NELL1: variants seen among roughly 807,000 people sequenced by gnomAD.
The protein encoded by NELL1 is neural EGFL like 1.
Under a neutral mutation model 107.4 loss-of-function variants are expected in NELL1, and 76 were observed. The observed-to-expected ratio is 0.71, with a 90% confidence interval of 0.59 to 0.86. The LOEUF is 0.86. Among genes scored for constraint, NELL1 ranks in the 40% least tolerant of loss-of-function variants. The pLI is 0.00. For synonymous variants in NELL1, 353 were observed against 341.2 expected, an observed-to-expected ratio of 1.03 and a Z score of -0.38; for missense variants, 1,024 against 1,005.5, an observed-to-expected ratio of 1.02 and a Z score of -0.25.
intron 3 of NELL1, among the ~76,000 whole-genome samples, chr11:20,830,221 A>G (rs11025774): frequency 0.84 from 125,937 of 150,792 alleles, 52,864 homozygotes; most frequent in East Asian, 0.94. Flanking sequence ...GTAGTGAGCC[A>G]AGACCCAGAC....
intron 11 of NELL1, among the ~76,000 whole-genome samples, chr11:20,950,615 C>A (rs79221907): frequency 1.3e-5 from 2 of 152,176 alleles, no homozygotes; most frequent in Admixed American, 1.3e-4. Context: ...GCCTCCTCCC[C>A]TTCTCCCCTT....
At chr11:21,054,159 CTG>C (rs949250691) in intron 12 of NELL1, among the ~76,000 whole-genome samples, 21 of 151,866 alleles carry the variant, frequency 1.4e-4, no homozygotes, top group Non-Finnish European at 1.5e-5. Flanking sequence ...CAATTTCTGC[CTG>C]TGTGTTTCCC....
chr11:21,546,835 A>C (rs1202203445), intron 16 of NELL1, among the ~76,000 whole-genome samples: 1 of 152,076 alleles, frequency 6.6e-6, no homozygotes, highest in Non-Finnish European at 1.5e-5. Flanking sequence ...GAGATTACTC[A>C]AGCTGCTGTG....
intron 3 of NELL1, among the ~76,000 whole-genome samples, chr11:20,828,333 G>C (rs1050690107): frequency 3.3e-5 from 5 of 151,906 alleles, no homozygotes; most frequent in South Asian, 4.1e-4. Context: ...TGTTAATCTT[G>C]CATGTTCTAC....
intron 5 of NELL1, among the ~76,000 whole-genome samples, chr11:20,914,380 C>T (rs545280939): frequency 6.6e-6 from 1 of 152,108 alleles, no homozygotes; most frequent in Non-Finnish European, 1.5e-5. Context: ...GCTTCCAGGT[C>T]ATAGGTAGAT....
At chr11:21,255,643 T>G (rs10766779) in intron 14 of NELL1, among the ~76,000 whole-genome samples, 78,082 of 151,882 alleles carry the variant, frequency 0.51, 20,268 homozygotes, top group South Asian at 0.72. Context: ...CCTTTCCATT[T>G]CCTAACACAA....
At chr11:21,267,902 A>G (rs1325498405) in intron 14 of NELL1, among the ~76,000 whole-genome samples, 1 of 152,150 alleles carries the variant, frequency 6.6e-6, no homozygotes, top group Admixed American at 6.6e-5. Context: ...TTTCATTTGC[A>G]TGAAATGATT....
At chr11:21,343,843 T>A (rs151042078) in intron 14 of NELL1, among the ~76,000 whole-genome samples, 81 of 152,276 alleles carry the variant, frequency 5.3e-4, no homozygotes, top group African/African-American at 1.9e-3. Flanking sequence ...CTTTCTTAGA[T>A]TCTGTAGCAC....
intron 2 of NELL1, among the ~76,000 whole-genome samples, chr11:20,714,427 C>T (rs775912772): frequency 3.3e-5 from 5 of 151,602 alleles, no homozygotes; most frequent in Non-Finnish European, 7.4e-5. Context: ...AGGCTGGTCT[C>T]AAACTCCTGA....
chr11:21,107,519 T>C (rs1854997972), intron 12 of NELL1, among the ~76,000 whole-genome samples: 1 of 152,186 alleles, frequency 6.6e-6, no homozygotes, highest in Admixed American at 6.6e-5. Flanking sequence ...TGTGTGGATA[T>C]CTGCTTGTTC....
intron 13 of NELL1, among the ~76,000 whole-genome samples, chr11:21,202,296 A>G (rs866551804): frequency 9.2e-5 from 14 of 152,250 alleles, no homozygotes; most frequent in African/African-American, 3.1e-4. Flanking sequence ...TACTGCTTCA[A>G]TTTCAGAACT....
At chr11:20,992,780 T>A (rs908608911) in intron 12 of NELL1, among the ~76,000 whole-genome samples, 3 of 146,582 alleles carry the variant, frequency 2.0e-5, no homozygotes, top group Non-Finnish European at 4.5e-5. Flanking sequence ...AATGGTGCGA[T>A]CTTGGCTCAC....
chr11:21,327,066 A>T (rs1176391358), intron 14 of NELL1, among the ~76,000 whole-genome samples: 1 of 151,434 alleles, frequency 6.6e-6, no homozygotes, highest in East Asian at 1.9e-4. Context: ...CATAATCCTG[A>T]CATGTTGTGG....
intron 13 of NELL1, among the ~76,000 whole-genome samples, chr11:21,219,130 G>T (rs572147505): frequency 8.6e-5 from 13 of 151,916 alleles, no homozygotes; most frequent in Non-Finnish European, 1.8e-4. Context: ...CTCTCCGTCC[G>T]CACTGGCATC....
At chr11:20,987,705 G>A (rs886490636) in intron 12 of NELL1, among the ~76,000 whole-genome samples, 2 of 152,144 alleles carry the variant, frequency 1.3e-5, no homozygotes, top group African/African-American at 2.4e-5. Flanking sequence ...TGAGATTTGG[G>A]TGGGGACATA....
intron 10 of NELL1, 144 bp from the exon 11 acceptor site, chr11:20,947,192 C>T (rs1850979811): frequency 1.7e-6 from 1 of 597,490 alleles, no homozygotes; most frequent in African/African-American, 1.9e-5. Context: ...TAATTTGTGG[C>T]ATTATCGTTT....
chr11:20,697,935 A>G (rs2133876017), intron 2 of NELL1, among the ~76,000 whole-genome samples: 1 of 152,318 alleles, frequency 6.6e-6, no homozygotes, highest in African/African-American at 2.4e-5. Flanking sequence ...AATCTGAGTA[A>G]GATGGAATTA....
At chr11:20,979,377 T>C (rs1188172396) in intron 12 of NELL1, among the ~76,000 whole-genome samples, 21 of 152,228 alleles carry the variant, frequency 1.4e-4, no homozygotes, top group East Asian at 1.9e-4. Context: ...TGTGTGTTTG[T>C]GTGTGCACAC....
chr11:21,274,952 G>T (rs1387339294), intron 14 of NELL1, among the ~76,000 whole-genome samples: 1 of 152,176 alleles, frequency 6.6e-6, no homozygotes, highest in Non-Finnish European at 1.5e-5. Context: ...AAGCAAGAAA[G>T]ATCTAAAATT....
Sources: gnomAD v4.1 joint callset for allele counts (sites outside exome capture counted in the v4.1 genomes callset) on GRCh38, gnomAD v4.1.1 for gene constraint, MANE v1.5 for transcripts, NCBI Gene and HGNC (gene_info 2026-07-23, HGNC 2026-07-21) for gene names.